The following AHCTF1 variants were observed in gnomAD, a reference collection of about 807,000 sequenced individuals.
AHCTF1 encodes AT-hook containing transcription factor 1.
AHCTF1 carries 24 observed loss-of-function variants against 248.4 expected under a neutral mutation model. The ratio of observed to expected loss-of-function variants is 0.10; its 90% CI spans 0.07 to 0.14. The LOEUF is 0.14. Among genes scored for constraint, AHCTF1 ranks in the 10% least tolerant of loss-of-function variants. The pLI, the probability that AHCTF1 is intolerant of heterozygous loss-of-function variation, is 1.00. For missense variants in AHCTF1, 2,206 were observed against 2,636.2 expected (o/e 0.84, Z 3.57); for synonymous variants, 786 against 929.8 (o/e 0.85, Z 2.81).
intron 33 of AHCTF1, among the ~76,000 whole-genome samples, chr1:246,844,259 A>G (rs1314741716): frequency 6.6e-6 from 1 of 152,222 alleles, no homozygotes; most frequent in Non-Finnish European, 1.5e-5. Flanking sequence ...GGGGAGGGAA[A>G]GCATTAATCC....
chr1:246,901,500 T>C (rs981399453), intron 8 of AHCTF1, among the ~76,000 whole-genome samples: 25 of 152,260 alleles, frequency 1.6e-4, no homozygotes, highest in African/African-American at 6.0e-4. Context: ...GGCGGGTGCT[T>C]GTAGCCCCAG....
chr1:246,867,198 TATC>T (rs1425419408), intron 26 of AHCTF1, 43 bp downstream of exon 26: 2 of 987,368 alleles, frequency 2.0e-6, no homozygotes, highest in African/African-American at 3.3e-5. Flanking sequence ...CAATTGTAAC[TATC>T]ATCTAACATT....
At chr1:246,922,991 A>C (rs1666675002) in intron 1 of AHCTF1, among the ~76,000 whole-genome samples, 1 of 150,050 alleles carries the variant, frequency 6.7e-6, no homozygotes, top group African/African-American at 2.4e-5. Flanking sequence ...TCAAAAAAAA[A>C]AAAAAAAAAA....
At chr1:246,924,886 G>A (rs904384719) in intron 1 of AHCTF1, among the ~76,000 whole-genome samples, 18 of 152,220 alleles carry the variant, frequency 1.2e-4, no homozygotes, top group African/African-American at 4.3e-4. Flanking sequence ...TCAATAGGAA[G>A]CTATGACCAT....
In AHCTF1 at chr1:246,900,200, A is replaced by G. The variant is rs1664897069; in HGVS notation, c.1297T>C (p.Leu433=). Residue 433 remains leucine, a synonymous_variant, in exon 10 of 36, where the codon TTG becomes CTG. Coordinates refer to ENST00000648844, the MANE Select transcript of AHCTF1 (RefSeq NM_001323342.2). Reference sequence around the variant, plus strand: ...GAAGTCCTACTTACAACAGACTCCAATGACCACAGTGCAAAATAAGAGCAA... The same window carrying G: ...GAAGTCCTACTTACAACAGACTCCAGTGACCACAGTGCAAAATAAGAGCAA... ...HNCSYFALWS[L]ESVVSRTSPH... The G allele has an allele frequency of 1.9e-6, 3 of 1,603,634 alleles. No homozygotes were observed. The highest frequency in any genetic ancestry group is 2.5e-6 in the Non-Finnish European group (3 of 1,177,298).
At chr1:246,848,655 C>T (rs1660463526) in intron 33 of AHCTF1, among the ~76,000 whole-genome samples, 1 of 151,938 alleles carries the variant, frequency 6.6e-6, no homozygotes, top group Admixed American at 6.5e-5. Context: ...CACTTGAGGT[C>T]AGGAGTTCAA....
chr1:246,891,237 TTTG>T (rs1371156989), intron 15 of AHCTF1, among the ~76,000 whole-genome samples, 177 bp from the exon 16 acceptor site: 1 of 152,200 alleles, frequency 6.6e-6, no homozygotes, highest in African/African-American at 2.4e-5. Context: ...TTTAGTTTAC[TTTG>T]GTCCAAAATG....
At chr1:246,858,122 G>A (rs1430311848) in intron 29 of AHCTF1, among the ~76,000 whole-genome samples, 1 of 151,880 alleles carries the variant, frequency 6.6e-6, no homozygotes, top group Non-Finnish European at 1.5e-5. Flanking sequence ...ACCATGCCCT[G>A]CTGATTTTTT....
intron 24 of AHCTF1, among the ~76,000 whole-genome samples, chr1:246,870,216 G>A (rs1046066212): frequency 6.6e-6 from 1 of 152,178 alleles, no homozygotes; most frequent in South Asian, 2.1e-4. Flanking sequence ...GGCCAAGGTG[G>A]GAGGATCACT....
intron 5 of AHCTF1, among the ~76,000 whole-genome samples, chr1:246,907,305 CAT>C (rs1665464280): frequency 6.6e-6 from 1 of 152,164 alleles, no homozygotes; most frequent in Non-Finnish European, 1.5e-5. Context: ...ATGTTAAACA[CAT>C]GACTGTAATG....
chr1:246,843,197 C>T (rs1467286351), intron 34 of AHCTF1, among the ~76,000 whole-genome samples: 3 of 152,222 alleles, frequency 2.0e-5, no homozygotes, highest in African/African-American at 7.2e-5. Flanking sequence ...CATTGCCATG[C>T]TCTGAGCCTT....
intron 5 of AHCTF1, 48 bp downstream of exon 5, chr1:246,907,503 T>C (rs1665476620): frequency 1.3e-6 from 2 of 1,532,822 alleles, no homozygotes; most frequent in South Asian, 1.2e-5. Flanking sequence ...ACAAGCTATA[T>C]GCAAAAAAAC....
Position 246,905,617 on chromosome 1 carries a change from C to T in AHCTF1, c.805G>A (p.Ala269Thr). ...TTCTCAGGTTCTTGAAAAGTGACAG[C>T]ATATACAGGAACTTGTCCACTTTCC... is the stretch of plus-strand genomic sequence containing the variant. ...QLESGQVPVY[A>T]VTFQEPENDP... Residue 269 changes from alanine to threonine, a missense_variant, in exon 6 of 36, where the codon GCT (alanine) becomes ACT (threonine). This residue lies in a region of AHCTF1 where 650 missense variants were observed against 870.8 expected (regional missense o/e 0.75). Coordinates refer to ENST00000648844, the MANE Select transcript of AHCTF1 (RefSeq NM_001323342.2). The T allele has an allele frequency of 6.2e-7, 1 of 1,612,986 alleles. No homozygotes were observed. Among genetic ancestry groups the T allele is most frequent in the South Asian group, 1.1e-5 (1 of 91,030 alleles).
rs200254086 is a variant in AHCTF1 at position 246,839,752 on chromosome 1, AAATT to A, written c.*1050_*1053del. The A allele has an allele frequency of 6.2e-3, 1,006 of 162,938 alleles. 7 individuals carry two copies. Among genetic ancestry groups the A allele is most frequent in the African/African-American group, 0.022 (935 of 41,762 alleles). 10.1% of individuals were successfully genotyped at this position (162,938 alleles called of 1,614,324 possible). ...TTACACACTATCGATTACCTGTTATAAATTATTTTACAACACTTATTTATTGATG... is the reference window on the plus strand; with the variant it reads ...TTACACACTATCGATTACCTGTTATAATTTTACAACACTTATTTATTGATG... On this transcript the variant is annotated 3_prime_UTR_variant, in exon 36 of 36. Transcript: ENST00000648844.
chr1:246,860,513 GTC>G (rs898556790), intron 29 of AHCTF1, among the ~76,000 whole-genome samples: 11 of 152,148 alleles, frequency 7.2e-5, no homozygotes, highest in Non-Finnish European at 1.5e-4. Context: ...TGTGCATTAT[GTC>G]TAGGAACTAG....
intron 6 of AHCTF1, among the ~76,000 whole-genome samples, chr1:246,905,172 A>C (rs1263626034): frequency 6.6e-6 from 1 of 152,196 alleles, no homozygotes; most frequent in African/African-American, 2.4e-5. Context: ...AACTACATAG[A>C]CTACCTGTTC....
At chr1:246,884,525 G>T (rs1278688163) in intron 21 of AHCTF1, among the ~76,000 whole-genome samples, 1 of 152,176 alleles carries the variant, frequency 6.6e-6, no homozygotes, top group African/African-American at 2.4e-5. Flanking sequence ...AATAAAACCA[G>T]TAAAAGTGGT....
At chr1:246,922,139 C>G (rs1666587179) in intron 1 of AHCTF1, among the ~76,000 whole-genome samples, 1 of 152,178 alleles carries the variant, frequency 6.6e-6, no homozygotes, top group African/African-American at 2.4e-5. Flanking sequence ...GCAGGTGGAT[C>G]ACCTGAGGTC....
intron 20 of AHCTF1, 78 bp downstream of exon 20, chr1:246,887,133 A>C: frequency 6.7e-7 from 1 of 1,482,412 alleles, no homozygotes. Context: ...ATATCTTTTA[A>C]TACCAAATTT....
Sources: gnomAD v4.1 joint callset for allele counts (sites outside exome capture counted in the v4.1 genomes callset) on GRCh38, gnomAD v4.1.1 for gene constraint, gnomAD v4.1.1 regional missense constraint, MANE v1.5 for transcripts, NCBI Gene and HGNC (gene_info 2026-07-23, HGNC 2026-07-21) for gene names.